Variants in AGMO observed in about 807,000 individuals in gnomAD.
The protein encoded by AGMO is glyceryl-ether monooxygenase.
In AGMO, 75 loss-of-function variants were observed where a neutral mutation model predicts 60.2. The ratio of observed to expected loss-of-function variants is 1.25; its 90% CI spans 1.03 to 1.51. AGMO has a LOEUF of 1.51. Among genes scored for constraint, AGMO ranks in the 40% most tolerant of loss-of-function variants. AGMO has a pLI of 0.00. For synonymous variants in AGMO, 261 were observed against 177.1 expected (o/e 1.47, Z -3.76); for missense variants, 763 against 525.5 (o/e 1.45, Z -4.42).
the AGMO span, among the ~76,000 whole-genome samples, chr7:15,134,530 A>T: frequency 6.6e-6 from 1 of 152,034 alleles, no homozygotes; most frequent in Non-Finnish European, 1.5e-5. Context: ...TTTAGCTCCC[A>T]CTTAAAAGGC....
intron 3 of AGMO, among the ~76,000 whole-genome samples, chr7:15,433,290 T>C (rs1781307525): frequency 6.6e-6 from 1 of 152,084 alleles, no homozygotes; most frequent in South Asian, 2.1e-4. Flanking sequence ...AGGTTAAAGA[T>C]CTGTCTTTCT....
intron 3 of AGMO, among the ~76,000 whole-genome samples, chr7:15,493,991 G>T (rs1336673569): frequency 6.6e-6 from 1 of 152,098 alleles, no homozygotes; most frequent in Non-Finnish European, 1.5e-5. Flanking sequence ...TTTCCTTTGG[G>T]TTACAAACAA....
At chr7:15,553,599 A>T (rs887128455) in intron 2 of AGMO, among the ~76,000 whole-genome samples, 40 of 152,056 alleles carry the variant, frequency 2.6e-4, no homozygotes, top group South Asian at 1.5e-3. Flanking sequence ...TACCTTTTTT[A>T]AAAAAATATG....
chr7:15,387,256 C>T (rs1783953940), intron 9 of AGMO, 150 bp downstream of exon 9: 2 of 845,344 alleles, frequency 2.4e-6, no homozygotes, highest in Non-Finnish European at 3.6e-6. Flanking sequence ...GGTGGATACT[C>T]ATTAAGTAAG....
intron 12 of AGMO, among the ~76,000 whole-genome samples, chr7:15,305,651 G>C (rs1259488502): frequency 6.6e-6 from 1 of 151,840 alleles, no homozygotes; most frequent in Non-Finnish European, 1.5e-5. Flanking sequence ...CTGTATATCT[G>C]ATCTAGAATT....
Position 15,369,582 on chromosome 7 carries a change from T to C in AGMO, c.1075-3360A>G, listed in dbSNP as rs1031404368. Among the ~76,000 whole-genome samples, 11 of 152,258 alleles carry C rather than the reference T, an allele frequency of 7.2e-5. No homozygotes were observed. The East Asian group carries it at 1.2e-3, about 16-fold the overall frequency. On this transcript the variant is annotated intron_variant, in intron 10 of 12. Transcript: ENST00000342526. ...AGGTCTCTATTCAAATACATGTCCT[T>C]GTCCCTCCGACACAAAATAGTACTT... is the stretch of plus-strand genomic sequence containing the variant.
At chr7:15,441,665 C>T (rs1034185508) in intron 3 of AGMO, among the ~76,000 whole-genome samples, 6 of 152,150 alleles carry the variant, frequency 3.9e-5, no homozygotes, top group Non-Finnish European at 8.8e-5. Flanking sequence ...CCCTGCAGCA[C>T]GTTTGCCTGC....
intron 12 of AGMO, among the ~76,000 whole-genome samples, chr7:15,360,573 G>GT (rs1782710035): frequency 6.6e-6 from 1 of 152,186 alleles, no homozygotes; most frequent in East Asian, 1.9e-4. Flanking sequence ...TTCATGTTAA[G>GT]TAGTCTGAGG....
chr7:15,559,902 G>A (rs916421666), intron 2 of AGMO, among the ~76,000 whole-genome samples: 1 of 151,960 alleles, frequency 6.6e-6, no homozygotes, highest in Admixed American at 6.6e-5. Context: ...GGCAAATGAA[G>A]CACTCATTTC....
At chr7:15,515,772 T>C (rs902883675) in intron 3 of AGMO, among the ~76,000 whole-genome samples, 1 of 152,234 alleles carries the variant, frequency 6.6e-6, no homozygotes, top group African/African-American at 2.4e-5. Flanking sequence ...GTAGGATTTA[T>C]AAGCAATGAA....
chr7:15,317,926 C>A, intron 12 of AGMO, among the ~76,000 whole-genome samples: 1 of 134,876 alleles, frequency 7.4e-6, no homozygotes, highest in Non-Finnish European at 1.6e-5. Context: ...TATACACACA[C>A]GTATATATAT....
chr7:15,275,511 G>T (rs577048022), intron 12 of AGMO, among the ~76,000 whole-genome samples: 1 of 152,208 alleles, frequency 6.6e-6, no homozygotes, highest in South Asian at 2.1e-4. Flanking sequence ...GAAAAAAAAT[G>T]TATATTCTGT....
the AGMO span, among the ~76,000 whole-genome samples, chr7:15,150,571 T>C: frequency 1.3e-5 from 2 of 152,150 alleles, no homozygotes; most frequent in African/African-American, 2.4e-5. Flanking sequence ...AAGTGGTTTT[T>C]GTTTTTAGCT....
At chr7:15,146,279 A>G in the AGMO span, among the ~76,000 whole-genome samples, 3 of 152,180 alleles carry the variant, frequency 2.0e-5, no homozygotes, top group Non-Finnish European at 4.4e-5. Context: ...AATTTAGCTT[A>G]TTCAGAAACG....
intron 3 of AGMO, among the ~76,000 whole-genome samples, chr7:15,472,208 G>C (rs1440582955): frequency 6.6e-6 from 1 of 151,750 alleles, no homozygotes; most frequent in Non-Finnish European, 1.5e-5. Context: ...TCAACCTTTG[G>C]GTTGAAGTTC....
the AGMO span, among the ~76,000 whole-genome samples, chr7:15,155,761 C>A: frequency 6.6e-6 from 1 of 151,916 alleles, no homozygotes; most frequent in Non-Finnish European, 1.5e-5. Flanking sequence ...TCTGTGTGGG[C>A]CGATGTTCCT....
chr7:15,370,097 T>C (rs1783143403), intron 10 of AGMO, among the ~76,000 whole-genome samples: 1 of 152,142 alleles, frequency 6.6e-6, no homozygotes, highest in Non-Finnish European at 1.5e-5. Context: ...ATTGTTGTCA[T>C]CTTTATGTCC....
At chr7:15,557,467 G>C (rs891791637) in intron 2 of AGMO, among the ~76,000 whole-genome samples, 16 of 151,946 alleles carry the variant, frequency 1.1e-4, no homozygotes, top group African/African-American at 2.9e-4. Context: ...TCCCCTTGAT[G>C]CTGTGGCTTC....
At chr7:15,518,473 G>A (rs1037862525) in intron 3 of AGMO, among the ~76,000 whole-genome samples, 3 of 152,136 alleles carry the variant, frequency 2.0e-5, no homozygotes, top group African/African-American at 7.2e-5. Context: ...CCAGAGGAAG[G>A]AGCAGGCAGC....
Sources: gnomAD v4.1 joint callset for allele counts (sites outside exome capture counted in the v4.1 genomes callset) on GRCh38, gnomAD v4.1.1 for gene constraint, MANE v1.5 for transcripts, NCBI Gene and HGNC (gene_info 2026-07-23, HGNC 2026-07-21) for gene names.